Variants in RASEF observed in about 807,000 individuals in gnomAD.
RASEF encodes RAS and EF-hand domain containing, also known as ras and EF-hand domain-containing protein.
RASEF carries 68 observed loss-of-function variants against 90.1 expected under a neutral mutation model. The ratio of observed to expected loss-of-function variants is 0.75; its 90% CI spans 0.62 to 0.92. The LOEUF (loss-of-function observed/expected upper bound fraction) is 0.92. Among genes scored for constraint, RASEF ranks in the 40% least tolerant of loss-of-function variants. The pLI, the probability that RASEF is intolerant of heterozygous loss-of-function variation, is 0.00. For missense variants in RASEF, 949 were observed against 937.2 expected (o/e 1.01, Z -0.16); for synonymous variants, 331 against 345.2 (o/e 0.96, Z 0.46).
the RASEF span, among the ~76,000 whole-genome samples, chr9:83,137,171 T>A: frequency 6.6e-6 from 1 of 152,134 alleles, no homozygotes; most frequent in Non-Finnish European, 1.5e-5. Flanking sequence ...CCTTCTTTCA[T>A]CTCTTTAAAC....
At chr9:83,175,511 T>C in the RASEF span, among the ~76,000 whole-genome samples, 497 of 152,278 alleles carry the variant, frequency 3.3e-3, 11 homozygotes, top group East Asian at 0.015. Context: ...GTTTTACTAG[T>C]ATTTTGTTGC....
the RASEF span, among the ~76,000 whole-genome samples, chr9:83,213,632 T>C: frequency 6.6e-6 from 1 of 152,076 alleles, no homozygotes; most frequent in Non-Finnish European, 1.5e-5. Context: ...AGGCTAAAGC[T>C]TCAGGATTCT....
the RASEF span, among the ~76,000 whole-genome samples, chr9:83,169,684 C>G: frequency 0.18 from 27,011 of 151,910 alleles, 2,488 homozygotes; most frequent in Middle Eastern, 0.23. Flanking sequence ...ATTTGCATCT[C>G]CTTAATGATT....
At chr9:83,191,942 T>A in the RASEF span, among the ~76,000 whole-genome samples, 151,062 of 152,326 alleles carry the variant, frequency 0.99, 74,916 homozygotes, top group Middle Eastern at 1. Flanking sequence ...AAGCATATTT[T>A]AAAAAGCTCA....
chr9:83,075,174 C>T, the RASEF span, among the ~76,000 whole-genome samples: 1 of 152,126 alleles, frequency 6.6e-6, no homozygotes, highest in African/African-American at 2.4e-5. Flanking sequence ...TTTTGTTCCC[C>T]ATGTTGCCTT....
chr9:83,003,261 G>A lies in RASEF; in HGVS notation c.1202+1237C>T, dbSNP rs138120029. Reference sequence around the variant, plus strand: ...AGAAGGGGCATGGTGTTGAGGCTACGGTGGCCTCTCATTACAGCTCAAGGA... The same window carrying A: ...AGAAGGGGCATGGTGTTGAGGCTACAGTGGCCTCTCATTACAGCTCAAGGA... On this transcript the variant is annotated intron_variant, in intron 9 of 16. Coordinates refer to ENST00000376447, the MANE Select transcript of RASEF (RefSeq NM_152573.4). 5.2e-3 allele frequency among the ~76,000 whole-genome samples: 791 copies of A among 152,168 alleles called. 8 individuals carry two copies. Among genetic ancestry groups the A allele is most frequent in the African/African-American group, 0.018 (732 of 41,516 alleles).
intron 5 of RASEF, among the ~76,000 whole-genome samples, chr9:83,009,985 T>C (rs904444029): frequency 3.3e-5 from 5 of 152,348 alleles, no homozygotes; most frequent in Middle Eastern, 6.8e-3. Flanking sequence ...TTTTTATGCT[T>C]GATATTTGAC....
chr9:83,080,771 G>A, the RASEF span, among the ~76,000 whole-genome samples: 1 of 152,052 alleles, frequency 6.6e-6, no homozygotes, highest in African/African-American at 2.4e-5. Flanking sequence ...GTTCCAGTGA[G>A]TCATTAGATT....
At chr9:83,060,304 A>T (rs1364606859) in intron 1 of RASEF, among the ~76,000 whole-genome samples, 6 of 152,226 alleles carry the variant, frequency 3.9e-5, no homozygotes. Context: ...ATCACTTTTT[A>T]AAGAAAAGCT....
At position 83,002,436 on chromosome 9, in the gene RASEF, T is replaced by A. The variant is rs954963664; in HGVS notation, c.1203-1306A>T. Among the ~76,000 whole-genome samples the A allele has an allele frequency of 2.6e-5, 4 of 151,906 alleles. No homozygotes were observed. In the East Asian group the frequency reaches 7.7e-4, roughly 29 times the overall value. On this transcript the variant is annotated intron_variant, in intron 9 of 16. Coordinates refer to ENST00000376447, the MANE Select transcript of RASEF (RefSeq NM_152573.4). ...AACTCAATCTATATAGCTAGCTACGTGTGTGCATGTGTGCGTGTGTGTGTT... is the reference window on the plus strand; with the variant it reads ...AACTCAATCTATATAGCTAGCTACGAGTGTGCATGTGTGCGTGTGTGTGTT...
chr9:83,065,913 T>C (rs1830278503), upstream of RASEF, among the ~76,000 whole-genome samples: 1 of 152,158 alleles, frequency 6.6e-6, no homozygotes, highest in Non-Finnish European at 1.5e-5. Context: ...CTACGGAATA[T>C]CCTGTAATGC....
At chr9:83,214,932 A>C in the RASEF span, among the ~76,000 whole-genome samples, 7 of 151,888 alleles carry the variant, frequency 4.6e-5, no homozygotes, top group Non-Finnish European at 8.8e-5. Flanking sequence ...TTTTGCACCC[A>C]AAAAGTTGCT....
At chr9:83,112,616 G>A in the RASEF span, among the ~76,000 whole-genome samples, 1 of 152,122 alleles carries the variant, frequency 6.6e-6, no homozygotes, top group African/African-American at 2.4e-5. Context: ...GAACCCAGGA[G>A]GTGGAGGTTG....
the RASEF span, among the ~76,000 whole-genome samples, chr9:83,200,720 T>A: frequency 6.6e-6 from 1 of 151,850 alleles, no homozygotes; most frequent in Admixed American, 6.6e-5. Flanking sequence ...TATCCCCAGG[T>A]TCTAAAGCAA....
At chr9:83,056,655 T>C (rs1830108914) in intron 1 of RASEF, among the ~76,000 whole-genome samples, 1 of 152,202 alleles carries the variant, frequency 6.6e-6, no homozygotes, top group Non-Finnish European at 1.5e-5. Flanking sequence ...GAGATAGGGG[T>C]AGTGTAACTG....
At chr9:83,046,025 G>GAA (rs796310857) in intron 1 of RASEF, among the ~76,000 whole-genome samples, 4 of 123,754 alleles carry the variant, frequency 3.2e-5, no homozygotes, top group East Asian at 2.4e-4. Context: ...TTCACCTTCG[G>GAA]AAAAAAAAAA....
At chr9:82,983,112 C>T (rs1441575430) in intron 16 of RASEF, among the ~76,000 whole-genome samples, 11 of 44,260 alleles carry the variant, frequency 2.5e-4, no homozygotes, top group Admixed American at 1.8e-3. Flanking sequence ...CCAGGCCACA[C>T]ACACACACAC....
chr9:83,084,130 C>T, the RASEF span, among the ~76,000 whole-genome samples: 283 of 152,136 alleles, frequency 1.9e-3, 1 homozygote, highest in African/African-American at 6.6e-3. Flanking sequence ...TAAAATTGTA[C>T]TTACAGAATG....
the RASEF span, among the ~76,000 whole-genome samples, chr9:83,185,954 A>G: frequency 8.8e-6 from 1 of 113,394 alleles, no homozygotes; most frequent in African/African-American, 3.7e-5. Flanking sequence ...AGCCACATGC[A>G]TTGAGGAATG....
Sources: allele counts gnomAD v4.1 joint callset (sites outside exome capture counted in the v4.1 genomes callset), GRCh38; gene constraint gnomAD v4.1.1; transcripts MANE v1.5; gene names NCBI Gene and HGNC (gene_info 2026-07-23, HGNC 2026-07-21).